The following FUT9 variants were observed in gnomAD, a reference collection of about 807,000 sequenced individuals.
FUT9 encodes fucosyltransferase 9.
In FUT9, 15 loss-of-function variants were observed where a neutral mutation model predicts 29.7. The observed-to-expected ratio is 0.51, with a 90% CI of 0.34 to 0.78. The LOEUF (loss-of-function observed/expected upper bound fraction) is 0.78, where lower values mean the gene tolerates loss of function less well. FUT9 is among the 30% of genes least tolerant of loss of function. The pLI is 0.01. For synonymous variants in FUT9, 169 were observed against 153.7 expected (o/e 1.10, Z -0.74); for missense variants, 319 against 425.4 (o/e 0.75, Z 2.20).
intron 1 of FUT9, among the ~76,000 whole-genome samples, chr6:96,093,685 G>T (rs1771450737): frequency 6.6e-6 from 1 of 151,882 alleles, no homozygotes; most frequent in South Asian, 2.1e-4. Context: ...CACTTTTCCA[G>T]GCATAAAAAT....
chr6:96,149,169 A>T (rs988486254), intron 2 of FUT9, among the ~76,000 whole-genome samples: 14 of 68,562 alleles, frequency 2.0e-4, no homozygotes, highest in African/African-American at 4.5e-4. Context: ...AAAAAAAAAA[A>T]ATTTTTTTTG....
chr6:96,180,703 A>C (rs1773290204), intron 2 of FUT9, among the ~76,000 whole-genome samples: 1 of 152,056 alleles, frequency 6.6e-6, no homozygotes, highest in East Asian at 1.9e-4. Flanking sequence ...CTACATATGA[A>C]TGAGAACATA....
chr6:96,100,249 A>G (rs1398285131), intron 1 of FUT9, among the ~76,000 whole-genome samples: 5 of 30,268 alleles, frequency 1.7e-4, no homozygotes, highest in Admixed American at 1.6e-3. Flanking sequence ...ACACACACAC[A>G]CACACACACA....
At chr6:96,077,350 A>C (rs550530514) in intron 1 of FUT9, among the ~76,000 whole-genome samples, 1 of 152,140 alleles carries the variant, frequency 6.6e-6, no homozygotes, top group South Asian at 2.1e-4. Flanking sequence ...ATTCTCTACT[A>C]TTCTTTCTTA....
chr6:96,146,514 G>A (rs1327994884), intron 2 of FUT9, among the ~76,000 whole-genome samples: 1 of 152,062 alleles, frequency 6.6e-6, no homozygotes, highest in Non-Finnish European at 1.5e-5. Flanking sequence ...TACTTCCCAG[G>A]AATTTAATAA....
Position 96,159,115 on chromosome 6 carries a change from A to C in FUT9, c.-8-44033A>C, listed in dbSNP as rs565982399. On this transcript the variant is annotated intron_variant, in intron 2 of 2. Transcript: ENST00000302103. ...AGACTGGATAATATAATTGATATTT[A>C]CAAGTAAAATTTTAGAGTTAGAGAA... 6.6e-5 allele frequency among the ~76,000 whole-genome samples: 10 copies of C among 152,342 alleles called. No homozygotes were observed. In the South Asian group the frequency reaches 2.1e-3, roughly 32 times the overall value.
At chr6:96,040,969 T>C (rs762399026) in intron 1 of FUT9, among the ~76,000 whole-genome samples, 1 of 152,100 alleles carries the variant, frequency 6.6e-6, no homozygotes, top group Non-Finnish European at 1.5e-5. Context: ...ATTCTCAGAT[T>C]TGAGCCTACA....
intron 1 of FUT9, among the ~76,000 whole-genome samples, chr6:96,023,215 C>T (rs1770105218): frequency 6.6e-6 from 1 of 151,950 alleles, no homozygotes; most frequent in African/African-American, 2.4e-5. Context: ...GATGAAGAGA[C>T]AGCAGTTTTT....
At chr6:96,133,685 T>C (rs1249330492) in intron 2 of FUT9, among the ~76,000 whole-genome samples, 4 of 151,952 alleles carry the variant, frequency 2.6e-5, no homozygotes, top group Non-Finnish European at 5.9e-5. Context: ...AATTGTAAAC[T>C]ATTCGGTTAA....
At chr6:96,114,308 T>C (rs1771870772) in intron 2 of FUT9, among the ~76,000 whole-genome samples, 181 bp downstream of exon 2, 1 of 152,046 alleles carries the variant, frequency 6.6e-6, no homozygotes, top group Non-Finnish European at 1.5e-5. Flanking sequence ...TTTAACATTC[T>C]ATCAAAGTTA....
chr6:96,185,397 A>G lies in FUT9; in HGVS notation c.-8-17751A>G, dbSNP rs554871369. Among the ~76,000 whole-genome samples the G allele has an allele frequency of 7.9e-5, 12 of 152,250 alleles. No homozygotes were observed. In the South Asian group the frequency reaches 2.3e-3, roughly 29 times the overall value. ...AATTGACTAGATGTAGGATTTAGGCAGTTGAAGAAATAAATAATGATTTCC... is the reference window on the plus strand; with the variant it reads ...AATTGACTAGATGTAGGATTTAGGCGGTTGAAGAAATAAATAATGATTTCC... On this transcript the variant is annotated intron_variant, in intron 2 of 2. Coordinates refer to ENST00000302103, the MANE Select transcript of FUT9 (RefSeq NM_006581.4).
At chr6:96,069,249 TGGC>T (rs1771012308) in intron 1 of FUT9, among the ~76,000 whole-genome samples, 1 of 151,418 alleles carries the variant, frequency 6.6e-6, no homozygotes, top group South Asian at 2.1e-4. Flanking sequence ...GGGACGCTGG[TGGC>T]GGAGGTTGCA....
At chr6:96,110,736 A>T (rs556917338) in intron 1 of FUT9, among the ~76,000 whole-genome samples, 1 of 152,154 alleles carries the variant, frequency 6.6e-6, no homozygotes, top group South Asian at 2.1e-4. Flanking sequence ...ATCATCTATA[A>T]CCTCAAACTC....
chr6:96,204,049 A>G lies in FUT9; in HGVS notation c.894A>G (p.Leu298=). The part of the protein sequence containing the change: ...HVEDYNSPSE[L]AKYLKEVDKN... Reference sequence around the variant, plus strand: ...AAGATTATAACTCTCCCAGTGAGCTAGCAAAGTATCTGAAGGAAGTCGACA... The same window carrying G: ...AAGATTATAACTCTCCCAGTGAGCTGGCAAAGTATCTGAAGGAAGTCGACA... The change falls in exon 3 of 3, where the codon CTA becomes CTG. Residue 298 remains leucine, a synonymous_variant. Transcript: ENST00000302103. The G allele has an allele frequency of 3.2e-6, 5 of 1,579,476 alleles. No individual in the cohort carries two copies. The highest frequency in any genetic ancestry group is 4.3e-6 in the Non-Finnish European group (5 of 1,163,706).
intron 1 of FUT9, among the ~76,000 whole-genome samples, chr6:96,085,320 T>C (rs959737982): frequency 6.6e-6 from 1 of 152,164 alleles, no homozygotes; most frequent in Non-Finnish European, 1.5e-5. Context: ...AGAGTTGATG[T>C]CTATAATCTA....
chr6:96,199,524 T>A (rs1479927228), intron 2 of FUT9, among the ~76,000 whole-genome samples: 2 of 152,136 alleles, frequency 1.3e-5, no homozygotes, highest in Non-Finnish European at 2.9e-5. Flanking sequence ...CGTTTCTGTC[T>A]AGTGATCAAT....
At chr6:96,171,535 A>G (rs1373379531) in intron 2 of FUT9, among the ~76,000 whole-genome samples, 1 of 152,132 alleles carries the variant, frequency 6.6e-6, no homozygotes, top group African/African-American at 2.4e-5. Flanking sequence ...TCCTCTTGTA[A>G]TCTAGACTCC....
chr6:96,210,556 T>G lies in FUT9; in HGVS notation c.*6321T>G, dbSNP rs1421969370. ...AGGCATACCTCAGGAAATCACCAGT[T>G]CTCGTCTTGGAGGAACTATTAGGAA... On this transcript the variant is annotated 3_prime_UTR_variant, in exon 3 of 3. Coordinates refer to ENST00000302103, the MANE Select transcript of FUT9 (RefSeq NM_006581.4). 2 of 166,834 alleles carry G rather than the reference T, an allele frequency of 1.2e-5. No homozygotes were observed. The highest frequency in any genetic ancestry group is 2.4e-5 in the African/African-American group (1 of 41,454). The allele number at this position is 166,834 out of a possible 1,614,324, so 10.3% of individuals were successfully genotyped here.
intron 1 of FUT9, among the ~76,000 whole-genome samples, chr6:96,055,304 A>G (rs1770742021): frequency 6.6e-6 from 1 of 152,074 alleles, no homozygotes; most frequent in Non-Finnish European, 1.5e-5. Flanking sequence ...TTATGAATAC[A>G]TGTGACTATA....
Sources: allele counts gnomAD v4.1 joint callset (sites outside exome capture counted in the v4.1 genomes callset), GRCh38; gene constraint gnomAD v4.1.1; transcripts MANE v1.5; gene names NCBI Gene and HGNC (gene_info 2026-07-23, HGNC 2026-07-21).